Variants in SEPTIN8 observed in about 807,000 individuals in gnomAD.
SEPTIN8 encodes septin-8.
Under a neutral mutation model 53.1 loss-of-function variants are expected in SEPTIN8, and 22 were observed. The ratio of observed to expected loss-of-function variants is 0.41; its 90% CI spans 0.30 to 0.59. The LOEUF is 0.59. SEPTIN8 is among the 20% of genes least tolerant of loss of function. The pLI, the probability that SEPTIN8 is intolerant of heterozygous loss-of-function variation, is 0.24. For missense variants in SEPTIN8, 536 were observed against 638.7 expected, an observed-to-expected ratio of 0.84 and a Z score of 1.73; for synonymous variants, 228 against 248.4, an observed-to-expected ratio of 0.92 and a Z score of 0.77.
intron 9 of SEPTIN8, chr5:132,758,776 A>G (rs758289330): frequency 8.1e-6 from 13 of 1,614,062 alleles, no homozygotes; most frequent in South Asian, 5.5e-5. Flanking sequence ...AACTTAACAC[A>G]TGAAAGTCTA....
At position 132,773,160 on chromosome 5, in the gene SEPTIN8, A is replaced by AGTG. The variant is rs569376306; in HGVS notation, c.30+3947_30+3948insCAC. On this transcript the variant is annotated intron_variant, in intron 1 of 9. Transcript: ENST00000378719. The surrounding 1 kb of genome is among the most constrained non-coding windows in gnomAD (Gnocchi z 4.2). ...GAAGCCAACAGAGTGCCCCAGCTCT[A>AGTG]CCACAAGGGCATGGAGACCTTGGGA... is the stretch of plus-strand genomic sequence containing the variant. 5.7e-3 allele frequency among the ~76,000 whole-genome samples: 863 copies of AGTG among 152,316 alleles called. 5 individuals are homozygous for AGTG. The highest frequency in any genetic ancestry group is 0.02 in the African/African-American group (827 of 41,552).
At chr5:132,768,443 C>T (rs1178284603) in intron 1 of SEPTIN8, among the ~76,000 whole-genome samples, 4 of 152,198 alleles carry the variant, frequency 2.6e-5, no homozygotes, top group Non-Finnish European at 5.9e-5. Flanking sequence ...AATGCCAACT[C>T]CCTGATCATA....
Position 132,763,890 on chromosome 5 carries a change from T to C in SEPTIN8, c.350A>G (p.Tyr117Cys). 6.4e-7 allele frequency: 1 copy of C among 1,563,706 alleles called. No individual in the cohort carries two copies. Among genetic ancestry groups the C allele is most frequent in the Non-Finnish European group, 8.7e-7 (1 of 1,153,228 alleles). The change falls in exon 4 of 10, where the codon TAC (tyrosine) becomes TGC (cysteine). Residue 117 changes from tyrosine to cysteine, a missense_variant and splice_region_variant. Around this residue, in one of 3 missense-constraint regions of SEPTIN8, gnomAD observed 395 missense variants for 451.8 expected, o/e 0.87. Transcript: ENST00000378719. The part of the protein sequence containing the change: ...FGDQINKDES[Y>C]RPIVDYIDAQ... Reference sequence around the variant, plus strand: ...ATCGATGTAGTCAACTATGGGCCTGTAACTACAGACAGCTCCATCACCCAG... The same window carrying C: ...ATCGATGTAGTCAACTATGGGCCTGCAACTACAGACAGCTCCATCACCCAG...
rs913116380 is a variant in SEPTIN8, at chr5:132,760,909, C to T, written c.1179G>A (p.Glu393=). ...TCCGGCGATTGAAGGCGTTGGTCTC[C>T]TCCTCCAGTTCCCGGCGCTTTTCCT... is the stretch of plus-strand genomic sequence containing the variant. The part of the protein sequence containing the change: ...KVEEKRRELE[E]ETNAFNRRKA... Residue 393 remains glutamate, a synonymous_variant, in exon 9 of 10, where the codon GAG becomes GAA. Transcript: ENST00000378719. The surrounding 1 kb of genome is among the most constrained non-coding windows in gnomAD (Gnocchi z 5.2). The T allele has an allele frequency of 1.9e-6, 3 of 1,609,586 alleles. No homozygotes were observed. The highest frequency in any genetic ancestry group is 2.7e-5 in the African/African-American group (2 of 74,582).
At chr5:132,770,030 CATATAT>C (rs1203298680) in intron 1 of SEPTIN8, among the ~76,000 whole-genome samples, 1 of 49,604 alleles carries the variant, frequency 2.0e-5, no homozygotes, top group African/African-American at 9.9e-5. Flanking sequence ...TATACACACA[CATATAT>C]ATATATGTGT....
rs757140459 is a variant in SEPTIN8 at position 132,750,819 on chromosome 5, T to G, written c.*1197A>C. 1.1e-5 allele frequency: 18 copies of G among 1,602,526 alleles called. No individual in the cohort carries two copies. The South Asian group carries it at 1.8e-4, about 16-fold the overall frequency. ...TAAGAAAACAAAAGCTACTATGACA[T>G]GATGTAGGGCTTTGGCCTCTTTATT... On this transcript the variant is annotated 3_prime_UTR_variant, in exon 10 of 10. Transcript: ENST00000378719.
chr5:132,762,073 G>A (rs1011727140), intron 5 of SEPTIN8, among the ~76,000 whole-genome samples, 177 bp from the exon 6 acceptor site: 1 of 152,176 alleles, frequency 6.6e-6, no homozygotes, highest in Non-Finnish European at 1.5e-5. Flanking sequence ...AAACAGGGGA[G>A]TGGGCTGAAC....
chr5:132,756,955 G>A, intron 9 of SEPTIN8: 3 of 985,350 alleles, frequency 3.0e-6, no homozygotes, highest in Non-Finnish European at 3.6e-6. Flanking sequence ...TATCTTAAAG[G>A]TCATGCTCTG....
At chr5:132,753,819 A>ACC (rs1755070621) in intron 9 of SEPTIN8, 1 of 152,600 alleles carries the variant, frequency 6.6e-6, no homozygotes, top group Admixed American at 6.5e-5. Context: ...ATGCTGTGCT[A>ACC]CCACAGAGCC....
At chr5:132,757,161 T>A in intron 9 of SEPTIN8, 2 of 973,570 alleles carry the variant, frequency 2.1e-6, no homozygotes, top group Non-Finnish European at 2.4e-6. Flanking sequence ...ACCCTGTACC[T>A]AATTTTATAT....
intron 9 of SEPTIN8, among the ~76,000 whole-genome samples, chr5:132,759,843 G>A (rs1581148592): frequency 6.6e-6 from 1 of 152,174 alleles, no homozygotes; most frequent in African/African-American, 2.4e-5. Flanking sequence ...GGGCGAGGGT[G>A]AGCCCCAGAA....
At chr5:132,755,055 C>G (rs1581132899) in intron 9 of SEPTIN8, among the ~76,000 whole-genome samples, 1 of 152,102 alleles carries the variant, frequency 6.6e-6, no homozygotes, top group African/African-American at 2.4e-5. Flanking sequence ...CCCTCCTCCC[C>G]CTGGCTTCCT....
At position 132,762,071 on chromosome 5, in the gene SEPTIN8, G is replaced by A. The variant is rs532820312; in HGVS notation, c.697-175C>T. On this transcript the variant is annotated intron_variant, in intron 5 of 9. Transcript: ENST00000378719. The stretch of plus-strand genomic sequence containing the variant: ...AAATGTCCCAGAACTCCAAACAGGG[G>A]AGTGGGCTGAACCCTCAACCCCCTC... Among the ~76,000 whole-genome samples, 29 of 152,258 alleles carry A rather than the reference G, an allele frequency of 1.9e-4. No homozygotes were observed. The South Asian group carries it at 4.4e-3, about 23-fold the overall frequency.
intron 1 of SEPTIN8, among the ~76,000 whole-genome samples, chr5:132,770,990 C>T (rs1320806630): frequency 6.6e-6 from 1 of 152,222 alleles, no homozygotes; most frequent in Non-Finnish European, 1.5e-5. Flanking sequence ...AAGACAACAA[C>T]CAAAACAATA....
rs201190559 is a variant in SEPTIN8 at position 132,764,206 on chromosome 5, G to A, written c.347+18C>T. 21 of 1,598,238 alleles carry A rather than the reference G, an allele frequency of 1.3e-5. No individual in the cohort carries two copies. In the African/African-American group the frequency reaches 1.3e-4, roughly 10 times the overall value. On this transcript the variant is annotated intron_variant, in intron 3 of 9. Coordinates refer to ENST00000378719, the MANE Select transcript of SEPTIN8 (RefSeq NM_001098811.2). Reference sequence around the variant, plus strand: ...GGGTGGGAGGAGGCTGGGTGGGGCCGCCCTTCCCGCCTCTTGCCTCTCATC... The same window carrying A: ...GGGTGGGAGGAGGCTGGGTGGGGCCACCCTTCCCGCCTCTTGCCTCTCATC...
intron 4 of SEPTIN8, among the ~76,000 whole-genome samples, chr5:132,763,120 G>T (rs185244763): frequency 7.0e-4 from 107 of 152,260 alleles, no homozygotes; most frequent in African/African-American, 2.6e-3. Context: ...GGGCAGTCAC[G>T]TGAGAGCTGA....
At chr5:132,762,101 G>A (rs1217310427) in intron 5 of SEPTIN8, among the ~76,000 whole-genome samples, 1 of 152,098 alleles carries the variant, frequency 6.6e-6, no homozygotes, top group Non-Finnish European at 1.5e-5. Flanking sequence ...CCCCTCCCTG[G>A]TGCTCCTGAT....
chr5:132,770,353 T>C lies in SEPTIN8; in HGVS notation c.31-4824A>G, dbSNP rs76189353. Among the ~76,000 whole-genome samples the C allele has an allele frequency of 5.7e-3, 860 of 151,592 alleles. 15 individuals are homozygous for C. Among genetic ancestry groups the C allele is most frequent in the African/African-American group, 0.02 (811 of 41,270 alleles). ...AACCACCACGCCTGGCTGATTTTTG[T>C]ATTTTTAGTAGAGACGGGGTTTCAC... On this transcript the variant is annotated intron_variant, in intron 1 of 9. Transcript: ENST00000378719.
rs1581186823 is a variant in SEPTIN8, at chr5:132,770,073, A to ATATATGTATATATGTATATATATATG, written c.31-4545_31-4544insCATATATATATACATATATACATATA. Among the ~76,000 whole-genome samples, 20 of 63,448 alleles carry ATATATGTATATATGTATATATATATG rather than the reference A, an allele frequency of 3.2e-4. No individual in the cohort carries two copies. In the East Asian group the frequency reaches 0.026, roughly 83 times the overall value. The allele number at this position is 63,448 out of a possible 152,430, so 41.6% of individuals were successfully genotyped here. The stretch of plus-strand genomic sequence containing the variant: ...TGTGTGTGTGTGTGTGTATATATAT[A>ATATATGTATATATGTATATATATATG]TATATATGTATATATGTATATATAT... On this transcript the variant is annotated intron_variant, in intron 1 of 9. Coordinates refer to ENST00000378719, the MANE Select transcript of SEPTIN8 (RefSeq NM_001098811.2).
Sources: gnomAD v4.1 joint callset for allele counts (sites outside exome capture counted in the v4.1 genomes callset) on GRCh38, gnomAD v4.1.1 for gene constraint, gnomAD v4.1.1 regional missense constraint, Gnocchi (gnomAD v3.1) non-coding constraint, MANE v1.5 for transcripts, NCBI Gene and HGNC (gene_info 2026-07-23, HGNC 2026-07-21) for gene names.